SLC47A1: variants seen among roughly 807,000 people sequenced by gnomAD.
SLC47A1 encodes solute carrier family 47 member 1, also known as multidrug and toxin extrusion protein 1.
SLC47A1 carries 58 observed loss-of-function variants against 65.8 expected under a neutral mutation model. That is an observed-to-expected ratio of 0.88 (90% confidence interval 0.71 to 1.10). The LOEUF is 1.10. Among genes scored for constraint, SLC47A1 ranks in the 50% least tolerant of loss-of-function variants. SLC47A1 has a pLI of 0.00. For synonymous variants in SLC47A1, 285 were observed against 295.0 expected (o/e 0.97, Z 0.35); for missense variants, 706 against 719.2 (o/e 0.98, Z 0.21).
chr17:19,558,471 T>C (rs978973226), intron 10 of SLC47A1, among the ~76,000 whole-genome samples: 2 of 93,842 alleles, frequency 2.1e-5, no homozygotes, highest in African/African-American at 7.3e-5. Flanking sequence ...ATTTTACTTA[T>C]TTTTTTTTTT....
At chr17:19,537,547 C>T (rs1046257799) in intron 1 of SLC47A1, among the ~76,000 whole-genome samples, 4 of 152,194 alleles carry the variant, frequency 2.6e-5, no homozygotes, top group South Asian at 2.1e-4. Context: ...AGAGGAAAGC[C>T]GGGTGAGGTC....
intron 5 of SLC47A1, among the ~76,000 whole-genome samples, chr17:19,550,981 G>A (rs956277624): frequency 2.0e-5 from 3 of 152,162 alleles, no homozygotes; most frequent in Non-Finnish European, 4.4e-5. Context: ...TTCAACATAC[G>A]GATCTAGGGA....
In SLC47A1 at chr17:19,577,642, T is replaced by G; in HGVS notation, c.*89T>G. On this transcript the variant is annotated 3_prime_UTR_variant, in exon 17 of 17. Coordinates refer to ENST00000270570, the MANE Select transcript of SLC47A1 (RefSeq NM_018242.3). ...CCAGTGACAATTTACTGTGAGTTAATGTCATTCAGGTGTGCCCATGGATTT... is the reference window on the plus strand; with the variant it reads ...CCAGTGACAATTTACTGTGAGTTAAGGTCATTCAGGTGTGCCCATGGATTT... The G allele has an allele frequency of 6.4e-7, 1 of 1,570,938 alleles. No homozygotes were observed.
intron 16 of SLC47A1, among the ~76,000 whole-genome samples, chr17:19,573,647 C>T (rs1263649834): frequency 6.6e-6 from 1 of 151,916 alleles, no homozygotes; most frequent in Non-Finnish European, 1.5e-5. Context: ...CCTCCCAAAG[C>T]AGTGGGATTA....
intron 11 of SLC47A1, 58 bp downstream of exon 11, chr17:19,560,354 C>T: frequency 6.2e-7 from 1 of 1,607,500 alleles, no homozygotes; most frequent in Non-Finnish European, 8.5e-7. Context: ...AAAACCCAGG[C>T]TCCTCCACTT....
At chr17:19,543,401 C>T (rs2386256) in intron 2 of SLC47A1, among the ~76,000 whole-genome samples, 4,285 of 152,150 alleles carry the variant, frequency 0.028, 163 homozygotes, top group South Asian at 0.089. Context: ...TGAGCCACTG[C>T]GCCCGGCCTA....
rs1173834493 is a variant in SLC47A1 at position 19,567,598 on chromosome 17, G to A, written c.1309+370G>A. 4 of 248,270 alleles carry A rather than the reference G, an allele frequency of 1.6e-5. No homozygotes were observed. In the South Asian group the frequency reaches 1.8e-4, roughly 11 times the overall value. The allele number at this position is 248,270 out of a possible 1,614,324, so 15.4% of individuals were successfully genotyped here. On this transcript the variant is annotated intron_variant, in intron 14 of 16. Coordinates refer to ENST00000270570, the MANE Select transcript of SLC47A1 (RefSeq NM_018242.3). ...GCATCCCCTTAGTGTGTTTCGTGCTGTTCTTTAGAGACAGCATGTGAGCCC... is the reference window on the plus strand; with the variant it reads ...GCATCCCCTTAGTGTGTTTCGTGCTATTCTTTAGAGACAGCATGTGAGCCC...
chr17:19,556,379 A>T (rs1916612398), intron 10 of SLC47A1, among the ~76,000 whole-genome samples: 1 of 152,078 alleles, frequency 6.6e-6, no homozygotes, highest in Non-Finnish European at 1.5e-5. Context: ...GTCACAACAC[A>T]AATGCCTTGA....
intron 5 of SLC47A1, among the ~76,000 whole-genome samples, chr17:19,551,107 T>C (rs1916434452): frequency 6.6e-6 from 1 of 152,232 alleles, no homozygotes; most frequent in Non-Finnish European, 1.5e-5. Flanking sequence ...GGTGCCCATC[T>C]GGAGTGTGCC....
chr17:19,541,093 T>C (rs1916134843), intron 1 of SLC47A1, among the ~76,000 whole-genome samples: 1 of 152,040 alleles, frequency 6.6e-6, no homozygotes, highest in East Asian at 1.9e-4. Context: ...GGAGGTCAGC[T>C]CTAGAACCTA....
intron 16 of SLC47A1, among the ~76,000 whole-genome samples, chr17:19,573,980 T>C (rs2084419825): frequency 6.7e-6 from 1 of 149,794 alleles, no homozygotes; most frequent in Non-Finnish European, 1.5e-5. Flanking sequence ...TGGAGTGCAA[T>C]GGTGCGATCT....
intron 14 of SLC47A1, among the ~76,000 whole-genome samples, chr17:19,569,696 T>A (rs912833608): frequency 1.3e-5 from 2 of 152,242 alleles, no homozygotes; most frequent in Non-Finnish European, 2.9e-5. Context: ...GCCCATGAGA[T>A]CTAATAATCA....
chr17:19,568,763 C>T (rs962983768), intron 14 of SLC47A1, among the ~76,000 whole-genome samples: 1 of 152,102 alleles, frequency 6.6e-6, no homozygotes, highest in Non-Finnish European at 1.5e-5. Flanking sequence ...TCCTGTCTAT[C>T]AGAAATTTGT....
chr17:19,561,529 G>C (rs1365963164), intron 12 of SLC47A1, among the ~76,000 whole-genome samples: 2 of 151,582 alleles, frequency 1.3e-5, no homozygotes, highest in African/African-American at 4.9e-5. Context: ...TGTAGTCCCA[G>C]CTACTTGGGA....
At chr17:19,540,572 A>G (rs1205439047) in intron 1 of SLC47A1, among the ~76,000 whole-genome samples, 1 of 152,184 alleles carries the variant, frequency 6.6e-6, no homozygotes, top group Non-Finnish European at 1.5e-5. Context: ...ATCGTGTGGC[A>G]CCATTACAGG....
intron 2 of SLC47A1, among the ~76,000 whole-genome samples, chr17:19,543,106 T>C (rs998994263): frequency 1.5e-5 from 2 of 135,116 alleles, no homozygotes; most frequent in African/African-American, 5.4e-5. Flanking sequence ...ATCATCTTAT[T>C]TCTTTTCTTT....
intron 2 of SLC47A1, among the ~76,000 whole-genome samples, chr17:19,542,796 T>C (rs999023114): frequency 8.6e-4 from 17 of 19,686 alleles, no homozygotes; most frequent in African/African-American, 2.9e-3. Context: ...TATTTTGTTG[T>C]TTTTTTTTTT....
chr17:19,551,311 G>T, intron 5 of SLC47A1, 113 bp from the exon 6 acceptor site: 1 of 926,648 alleles, frequency 1.1e-6, no homozygotes, highest in East Asian at 2.4e-5. Flanking sequence ...GGCTCCGTGC[G>T]GGAGCAGAGG....
At chr17:19,559,217 C>A (rs537772681) in intron 10 of SLC47A1, among the ~76,000 whole-genome samples, 57 of 152,208 alleles carry the variant, frequency 3.7e-4, no homozygotes, top group Non-Finnish European at 7.2e-4. Flanking sequence ...CAGGGTGATG[C>A]AGCTGATAAA....
Sources: gnomAD v4.1 joint callset for allele counts (sites outside exome capture counted in the v4.1 genomes callset) on GRCh38, gnomAD v4.1.1 for gene constraint, MANE v1.5 for transcripts, NCBI Gene and HGNC (gene_info 2026-07-23, HGNC 2026-07-21) for gene names.